ARV1: variants seen among roughly 807,000 people sequenced by gnomAD.
ARV1 encodes the protein ARV1 fatty acid homeostasis modulator.
ARV1 carries 26 observed loss-of-function variants against 31.1 expected under a neutral mutation model. The ratio of observed to expected loss-of-function variants is 0.84; its 90% CI spans 0.61 to 1.16. ARV1 has a LOEUF of 1.16. Ranked by LOEUF, ARV1 falls within the 50% of genes most tolerant of loss-of-function variation. The probability of loss-of-function intolerance (pLI) is 0.00; values close to 1 mark genes in which losing one functional copy is unlikely to be tolerated. For missense variants in ARV1, 281 were observed against 324.9 expected, an observed-to-expected ratio of 0.86 and a Z score of 1.04; for synonymous variants, 117 against 123.2, an observed-to-expected ratio of 0.95 and a Z score of 0.34.
chr1:230,987,742 G>A (rs1171677572), intron 1 of ARV1, among the ~76,000 whole-genome samples: 2 of 152,144 alleles, frequency 1.3e-5, no homozygotes, highest in Non-Finnish European at 2.9e-5. Context: ...TATCCTTGAT[G>A]TTACTGGAGA....
chr1:230,983,011 C>T (rs1678953597), intron 1 of ARV1, among the ~76,000 whole-genome samples: 1 of 152,076 alleles, frequency 6.6e-6, no homozygotes, highest in Admixed American at 6.6e-5. Context: ...TTCCTCCCAG[C>T]TTGCCTTTCT....
At chr1:230,994,846 T>A (rs1679319039) in intron 3 of ARV1, among the ~76,000 whole-genome samples, 2 of 152,166 alleles carry the variant, frequency 1.3e-5, no homozygotes, top group South Asian at 2.1e-4. Context: ...GCCCAGCCCC[T>A]AAATTATTTT....
chr1:230,986,904 C>A lies in ARV1; in HGVS notation c.175-1416C>A, dbSNP rs978827534. The stretch of plus-strand genomic sequence containing the variant: ...ATTTTTGCAGTTTGAAATGCCACAG[C>A]AAAACTAGCACAATTTCTTTTCTTT... On this transcript the variant is annotated intron_variant, in intron 1 of 5. Coordinates refer to ENST00000310256, the MANE Select transcript of ARV1 (RefSeq NM_022786.3). 1.1e-4 allele frequency among the ~76,000 whole-genome samples: 17 copies of A among 152,176 alleles called. 2 individuals are homozygous for A. In the South Asian group the frequency reaches 3.5e-3, roughly 32 times the overall value.
chr1:230,981,510 A>G (rs1181848842), intron 1 of ARV1, among the ~76,000 whole-genome samples: 2 of 152,172 alleles, frequency 1.3e-5, no homozygotes, highest in Non-Finnish European at 2.9e-5. Context: ...TCTTCAAATT[A>G]TGTTCAGAAT....
intron 4 of ARV1, 36 bp downstream of exon 4, chr1:230,996,020 C>T: frequency 1.3e-6 from 2 of 1,562,912 alleles, no homozygotes; most frequent in Non-Finnish European, 1.7e-6. Flanking sequence ...TCTCAGTTTT[C>T]AACCCATAAA....
At chr1:230,993,630 C>T (rs953312062) in intron 3 of ARV1, among the ~76,000 whole-genome samples, 1 of 152,154 alleles carries the variant, frequency 6.6e-6, no homozygotes. Flanking sequence ...CGTGGTACCT[C>T]ACACCTGTAA....
intron 3 of ARV1, among the ~76,000 whole-genome samples, chr1:230,993,780 AG>A (rs1388259762): frequency 6.6e-6 from 1 of 152,150 alleles, no homozygotes; most frequent in Non-Finnish European, 1.5e-5. Context: ...CTGTAGTCCT[AG>A]CTACTTGAGG....
At chr1:230,986,671 T>C in intron 1 of ARV1, among the ~76,000 whole-genome samples, 1 of 10,688 alleles carries the variant, frequency 9.4e-5, no homozygotes, top group Non-Finnish European at 1.8e-4. Flanking sequence ...TTTTCCTATT[T>C]TTTTTTTTTT....
intron 3 of ARV1, among the ~76,000 whole-genome samples, chr1:230,993,809 C>T (rs1453080770): frequency 1.3e-5 from 2 of 152,154 alleles, no homozygotes; most frequent in East Asian, 3.9e-4. Context: ...ACAGGAGGAT[C>T]GCTTGAGCCC....
intron 5 of ARV1, among the ~76,000 whole-genome samples, chr1:230,997,867 T>G (rs1039043857): frequency 1.3e-5 from 2 of 152,178 alleles, no homozygotes; most frequent in Non-Finnish European, 2.9e-5. Context: ...CCTCTGCCAG[T>G]GCACAGAACC....
chr1:230,987,237 C>T (rs1421857885), intron 1 of ARV1, among the ~76,000 whole-genome samples: 2 of 152,204 alleles, frequency 1.3e-5, no homozygotes, highest in African/African-American at 2.4e-5. Flanking sequence ...GGATGATTCA[C>T]ATCCCGGACA....
intron 1 of ARV1, among the ~76,000 whole-genome samples, chr1:230,987,056 G>A (rs1392975880): frequency 6.6e-6 from 1 of 152,104 alleles, no homozygotes; most frequent in African/African-American, 2.4e-5. Context: ...CTCTTTGGCT[G>A]TAAAATTGCC....
rs768247522 is a variant in ARV1, at chr1:230,993,373, G to A, written c.449-2387G>A. On this transcript the variant is annotated intron_variant, in intron 3 of 5. Transcript: ENST00000310256. ...GGCCTCCCAAAGTGCTGAGACTGCA[G>A]GCATCAGCCACTGTTCCTGGCCCTT... Among the ~76,000 whole-genome samples the A allele has an allele frequency of 3.9e-5, 6 of 152,302 alleles. No individual in the cohort carries two copies. In the East Asian group the frequency reaches 5.8e-4, roughly 15 times the overall value.
chr1:230,984,347 TGTGTGTGTGTGTGTGC>T (rs1384234791), intron 1 of ARV1, among the ~76,000 whole-genome samples: 31 of 67,566 alleles, frequency 4.6e-4, no homozygotes, highest in African/African-American at 1.2e-3. Flanking sequence ...TTGTTTCGTG[TGTGTGTGTGTGTGTGC>T]GTGTGTGTGT....
chr1:230,995,738 T>C (rs1280030650), intron 3 of ARV1, 22 bp from the exon 4 acceptor site: 3 of 1,582,592 alleles, frequency 1.9e-6, no homozygotes, highest in East Asian at 2.2e-5. Flanking sequence ...ATTCATACTT[T>C]TATTTTCCAT....
In ARV1 at chr1:230,997,488, T is replaced by C. The variant is rs75077302; in HGVS notation, c.*4+221T>C. The stretch of plus-strand genomic sequence containing the variant: ...TCTGGGACATCAACATCCATGTTTT[T>C]GTTGCTTCTAGGGTCCTATCCTCAC... On this transcript the variant is annotated intron_variant, in intron 5 of 5. Coordinates refer to ENST00000310256, the MANE Select transcript of ARV1 (RefSeq NM_022786.3). Among the ~76,000 whole-genome samples the C allele has an allele frequency of 2.0e-5, 3 of 151,992 alleles. No homozygotes were observed. In the East Asian group the frequency reaches 5.8e-4, roughly 29 times the overall value.
chr1:230,980,520 A>G (rs1678853843), intron 1 of ARV1, among the ~76,000 whole-genome samples: 1 of 152,030 alleles, frequency 6.6e-6, no homozygotes, highest in African/African-American at 2.4e-5. Flanking sequence ...TATTTTTAGT[A>G]GAGACCAGGT....
chr1:230,981,893 C>T (rs1444687378), intron 1 of ARV1, among the ~76,000 whole-genome samples: 2 of 152,188 alleles, frequency 1.3e-5, no homozygotes, highest in Non-Finnish European at 2.9e-5. Flanking sequence ...GCCTGGAGCA[C>T]TCTTCTATCA....
At chr1:230,981,435 T>C (rs1678907399) in intron 1 of ARV1, among the ~76,000 whole-genome samples, 1 of 152,184 alleles carries the variant, frequency 6.6e-6, no homozygotes, top group African/African-American at 2.4e-5. Flanking sequence ...GAAACCTTGG[T>C]GTCATCCCTA....
Sources: allele counts gnomAD v4.1 joint callset (sites outside exome capture counted in the v4.1 genomes callset), GRCh38; gene constraint gnomAD v4.1.1; transcripts MANE v1.5; gene names NCBI Gene and HGNC (gene_info 2026-07-23, HGNC 2026-07-21).